Variants in TH observed in about 807,000 individuals in gnomAD.
TH encodes the protein tyrosine 3-monooxygenase.
Under a neutral mutation model 57.4 loss-of-function variants are expected in TH, and 49 were observed. The ratio of observed to expected loss-of-function variants is 0.85; its 90% CI spans 0.68 to 1.08. TH has a LOEUF of 1.08. TH is among the 50% of genes least tolerant of loss of function. TH has a pLI of 0.00. For missense variants in TH, 720 were observed against 696.7 expected, an observed-to-expected ratio of 1.03 and a Z score of -0.38; for synonymous variants, 330 against 304.5, an observed-to-expected ratio of 1.08 and a Z score of -0.87.
Position 2,165,340 on chromosome 11 carries a change from A to G in TH, c.1226T>C (p.Ile409Thr), listed in dbSNP as rs776192367. 3.1e-6 allele frequency: 5 copies of G among 1,611,920 alleles called. No individual in the cohort carries two copies. The South Asian group carries it at 5.5e-5, about 18-fold the overall frequency. Residue 409 changes from isoleucine to threonine, a missense_variant, in exon 12 of 13, where the codon ATT (isoleucine) becomes ACT (threonine). Physicochemically the swap from Ile to Thr is moderately conservative, Grantham distance 89. Transcript: ENST00000352909. ...CGCAGCCTCAGGGTCGAAGGCCCGA[A>G]TCTCAGGCTCCTCAGACAGGCAGTG... ...LLHCLSEEPE[I>T]RAFDPEAAAV...
chr11:2,166,076 T>C lies in TH; in HGVS notation c.1048-18A>G. The C allele has an allele frequency of 6.4e-7, 1 of 1,552,036 alleles. No homozygotes were observed. The highest frequency in any genetic ancestry group is 8.7e-7 in the Non-Finnish European group (1 of 1,147,540). On this transcript the variant is annotated intron_variant, in intron 9 of 12. Transcript: ENST00000352909. ...CCAATGTCCTGTGGAGCAGGGAGGA[T>C]GAAGGATGGGGAGAGGCAGCCCTGG...
rs994672357 is a variant in TH at position 2,170,903 on chromosome 11, A to G, written c.90+794T>C. 4.9e-6 allele frequency: 3 copies of G among 607,168 alleles called. No individual in the cohort carries two copies. In the South Asian group the frequency reaches 5.9e-5, roughly 12 times the overall value. 37.6% of individuals were successfully genotyped at this position (607,168 alleles called of 1,614,324 possible). On this transcript the variant is annotated intron_variant, in intron 1 of 12. Transcript: ENST00000352909. The surrounding 1 kb of genome is among the most constrained non-coding windows in gnomAD (Gnocchi z 6.0). ...CTGCTACAACTCACACCACATTTCAATCAAGGTCCATAAATAAAAACCCAT... is the reference window on the plus strand; with the variant it reads ...CTGCTACAACTCACACCACATTTCAGTCAAGGTCCATAAATAAAAACCCAT...
intron 4 of TH, 74 bp downstream of exon 4, chr11:2,168,017 C>A: frequency 6.2e-7 from 1 of 1,610,312 alleles, no homozygotes; most frequent in South Asian, 1.1e-5. Context: ...CCGACAGACT[C>A]CTGTCCAGGG....
Position 2,165,989 on chromosome 11 carries a change from G to T in TH, c.1104+13C>A. ...ACCCACACCCCAGGCCCTGCAGGGA[G>T]GGGTCAACCCACCGTGGACAGCTTC... is the stretch of plus-strand genomic sequence containing the variant. On this transcript the variant is annotated intron_variant, in intron 10 of 12. Transcript: ENST00000352909. 1 of 1,559,692 alleles carries T rather than the reference G, an allele frequency of 6.4e-7. No homozygotes were observed. The highest frequency in any genetic ancestry group is 1.2e-5 in the South Asian group (1 of 84,640).
intron 1 of TH, 107 bp from the exon 2 acceptor site, chr11:2,169,978 G>T: frequency 8.5e-7 from 1 of 1,172,278 alleles, no homozygotes. Flanking sequence ...ACAGAGGCAG[G>T]GGATGAGAGC....
Position 2,168,159 on chromosome 11 carries a change from CTT to C in TH, c.506_507del (p.Lys169SerfsTer17). On this transcript the variant is annotated frameshift_variant, in exon 4 of 13. Transcript: ENST00000352909. LOFTEE classifies it high-confidence loss of function. ...TGATGACACTTGTCCAGCTCTGACA[CTT>C]TTCTTGGGAACCAGGGGACTTTATG... ...AGPKVPWFPRKVSELDKCHHL... is the reference protein window; with the variant it reads ...AGPKVPWFPRXVSELDKCHHL... 6.2e-7 allele frequency: 1 copy of C among 1,613,576 alleles called. No homozygotes were observed.
chr11:2,167,412 C>T (rs1288489222), intron 6 of TH, 23 bp downstream of exon 6: 1 of 1,555,882 alleles, frequency 6.4e-7, no homozygotes, highest in Non-Finnish European at 8.7e-7. Context: ...CCTCCCCAGC[C>T]CCTAGCTGCA....
rs372142970 is a variant in TH at position 2,166,949 on chromosome 11, C to A, written c.779G>T (p.Arg260Leu). ...EHLEAFALLE[R>L]FSGYREDNIP... is the part of the protein sequence containing the mutation. ...ATTGTCTTCCCGGTAGCCGCTGAAGCGCTCCAGCAAAGCAAAGGCCTCCAG... is the reference window on the plus strand; with the variant it reads ...ATTGTCTTCCCGGTAGCCGCTGAAGAGCTCCAGCAAAGCAAAGGCCTCCAG... The change falls in exon 7 of 13, where the codon CGC (arginine) becomes CTC (leucine). Residue 260 changes from arginine (R) to leucine (L), a missense_variant. Transcript: ENST00000352909. The A allele has an allele frequency of 7.5e-6, 12 of 1,597,206 alleles. No individual in the cohort carries two copies. Among genetic ancestry groups the A allele is most frequent in the Non-Finnish European group, 1.0e-5 (12 of 1,172,922 alleles).
intron 3 of TH, 134 bp downstream of exon 3, chr11:2,168,357 G>A: frequency 7.3e-7 from 1 of 1,379,198 alleles, no homozygotes. Context: ...AGCAAAACGG[G>A]GTGCGGAGTG....
intron 11 of TH, 28 bp from the exon 12 acceptor site, chr11:2,165,393 C>T (rs1846059979): frequency 1.2e-6 from 2 of 1,605,678 alleles, no homozygotes. Flanking sequence ...GCATCACTGA[C>T]TCCACTGCAC....
chr11:2,166,149 G>A, intron 9 of TH, 91 bp from the exon 10 acceptor site: 1 of 1,410,582 alleles, frequency 7.1e-7, no homozygotes, highest in East Asian at 2.5e-5. Flanking sequence ...CCCCTCCAGG[G>A]GTCTCTGGGA....
chr11:2,165,447 T>G (rs964706458), intron 11 of TH, 82 bp from the exon 12 acceptor site: 11 of 1,586,270 alleles, frequency 6.9e-6, no homozygotes, highest in Non-Finnish European at 8.6e-6. Context: ...TGACGCTGGG[T>G]GGGTTCCTTG....
chr11:2,163,991 C>G lies in TH; in HGVS notation c.*242G>C, dbSNP rs547837585. 1 of 383,580 alleles carries G rather than the reference C, an allele frequency of 2.6e-6. No homozygotes were observed. Among genetic ancestry groups the G allele is most frequent in the Non-Finnish European group, 4.6e-6 (1 of 216,508 alleles). The allele number at this position is 383,580 out of a possible 1,614,324, so 23.8% of individuals were successfully genotyped here. A position where few individuals can be genotyped will look rare whatever the true frequency, so the allele number is the denominator to read the frequency against. On this transcript the variant is annotated 3_prime_UTR_variant, in exon 13 of 13. Coordinates refer to ENST00000352909, the MANE Select transcript of TH (RefSeq NM_000360.4). ...GGCAGCAGACAGTGTCAGGGAAGGG[C>G]GGAGGGCAGTGCAGCAGCCCCCAGG...
At position 2,171,499 on chromosome 11, in the gene TH, C is replaced by T. The variant is rs1846257182; in HGVS notation, c.90+198G>A. 6.6e-6 allele frequency among the ~76,000 whole-genome samples: 1 copy of T among 151,928 alleles called. No individual in the cohort carries two copies. The highest frequency in any genetic ancestry group is 2.1e-4 in the South Asian group (1 of 4,816). The stretch of plus-strand genomic sequence containing the variant: ...CACACAGGGACAGGCATCACCTCAC[C>T]CTCCCCCAACAGGGACTCAAACACC... On this transcript the variant is annotated intron_variant, in intron 1 of 12. Coordinates refer to ENST00000352909, the MANE Select transcript of TH (RefSeq NM_000360.4). This position sits in a 1 kb window ranked among gnomAD's most constrained non-coding sequence, Gnocchi z 8.6.
chr11:2,171,546 G>T lies in TH; in HGVS notation c.90+151C>A. 3.8e-6 allele frequency: 3 copies of T among 779,726 alleles called. No individual in the cohort carries two copies. The highest frequency in any genetic ancestry group is 6.4e-6 in the Non-Finnish European group (3 of 471,538). 48.3% of individuals were successfully genotyped at this position (779,726 alleles called of 1,614,324 possible). A position where few individuals can be genotyped will look rare whatever the true frequency, so the allele number is the denominator to read the frequency against. Reference sequence around the variant, plus strand: ...CACCAGGCACAGGGGATGCCGCTGTGCCCAGGCCTCCACATCCACGCCGCG... The same window carrying T: ...CACCAGGCACAGGGGATGCCGCTGTTCCCAGGCCTCCACATCCACGCCGCG... On this transcript the variant is annotated intron_variant, in intron 1 of 12. Transcript: ENST00000352909. This position sits in a 1 kb window ranked among gnomAD's most constrained non-coding sequence, Gnocchi z 8.6.
Position 2,165,342 on chromosome 11 carries a change from C to T in TH, c.1224G>A (p.Glu408=), listed in dbSNP as rs1037422057. 1 of 1,611,626 alleles carries T rather than the reference C, an allele frequency of 6.2e-7. No individual in the cohort carries two copies. Among genetic ancestry groups the T allele is most frequent in the Non-Finnish European group, 8.5e-7 (1 of 1,179,984 alleles). The stretch of plus-strand genomic sequence containing the variant: ...CAGCCTCAGGGTCGAAGGCCCGAAT[C>T]TCAGGCTCCTCAGACAGGCAGTGCT... The part of the protein sequence containing the change: ...ELLHCLSEEP[E]IRAFDPEAAA... Residue 408 remains glutamate (E), a synonymous_variant, in exon 12 of 13, where the codon GAG becomes GAA. Coordinates refer to ENST00000352909, the MANE Select transcript of TH (RefSeq NM_000360.4).
Position 2,171,453 on chromosome 11 carries a change from G to T in TH, c.90+244C>A, listed in dbSNP as rs1159212677. ...ACAGAGACCCACACGACCCCCGAGA[G>T]AGGTCGGCCTAAGAGGGGCACACAC... is the stretch of plus-strand genomic sequence containing the variant. On this transcript the variant is annotated intron_variant, in intron 1 of 12. Transcript: ENST00000352909. This position sits in a 1 kb window ranked among gnomAD's most constrained non-coding sequence, Gnocchi z 8.6. Among the ~76,000 whole-genome samples, 1 of 152,046 alleles carries T rather than the reference G, an allele frequency of 6.6e-6. No individual in the cohort carries two copies. Among genetic ancestry groups the T allele is most frequent in the Non-Finnish European group, 1.5e-5 (1 of 67,994 alleles).
intron 9 of TH, 155 bp downstream of exon 9, chr11:2,166,325 C>A: frequency 9.1e-7 from 1 of 1,101,768 alleles, no homozygotes; most frequent in Non-Finnish European, 1.3e-6. Context: ...GCTCCAGCCC[C>A]GCCCTATGCC....
chr11:2,167,205 CA>C, intron 6 of TH, 173 bp from the exon 7 acceptor site: 1 of 1,113,502 alleles, frequency 9.0e-7, no homozygotes, highest in Non-Finnish European at 1.3e-6. Context: ...TAGGGAATCC[CA>C]GGGGATAGGG....
Sources: allele counts gnomAD v4.1 joint callset (sites outside exome capture counted in the v4.1 genomes callset), GRCh38; gene constraint gnomAD v4.1.1; non-coding constraint Gnocchi (gnomAD v3.1); transcripts MANE v1.5; gene names NCBI Gene and HGNC (gene_info 2026-07-23, HGNC 2026-07-21).